The following HMCN1 variants were observed in gnomAD, a reference collection of about 807,000 sequenced individuals.
The protein encoded by HMCN1 is hemicentin 1, also known as hemicentin-1.
HMCN1 carries 321 observed loss-of-function variants against 625.9 expected under a neutral mutation model. That is an observed-to-expected ratio of 0.51 (90% CI 0.47 to 0.56). The LOEUF (loss-of-function observed/expected upper bound fraction) is 0.56, where lower values mean the gene tolerates loss of function less well. Ranked by LOEUF, HMCN1 falls within the 20% of genes least tolerant of loss-of-function variation. HMCN1 has a pLI of 0.00. For synonymous variants in HMCN1, 2,425 were observed against 2,417.6 expected (o/e 1.00, Z -0.09); for missense variants, 6,588 against 6,887.3 (o/e 0.96, Z 1.54).
Position 186,137,879 on chromosome 1 carries a change from A to G in HMCN1, c.13831A>G (p.Arg4611Gly). 2.5e-6 allele frequency: 4 copies of G among 1,614,150 alleles called. No individual in the cohort carries two copies. The highest frequency in any genetic ancestry group is 1.1e-5 in the South Asian group (1 of 91,090). ...TGGACGCGGCAACCAAACCAGGACC[A>G]GGACTTGCAATAATCCATCAGTTCA... Reference protein sequence around the residue: ...SCGRGNQTRTRTCNNPSVQHG... With the variant: ...SCGRGNQTRTGTCNNPSVQHG... Residue 4611 changes from arginine (R) to glycine (G), a missense_variant, in exon 89 of 107, where the codon AGG (arginine) becomes GGG (glycine). Physicochemically the swap from Arg to Gly is moderately radical, Grantham distance 125. This residue lies in a region of HMCN1 where 1,954 missense variants were observed against 2,013.1 expected (regional missense o/e 0.97). Coordinates refer to ENST00000271588, the MANE Select transcript of HMCN1 (RefSeq NM_031935.3).
intron 11 of HMCN1, among the ~76,000 whole-genome samples, chr1:185,942,549 A>C (rs947253014): frequency 1.3e-5 from 2 of 152,206 alleles, no homozygotes; most frequent in Non-Finnish European, 2.9e-5. Context: ...AAATTTTGGG[A>C]GTTCATATCA....
chr1:186,145,542 G>T lies in HMCN1; in HGVS notation c.14406G>T (p.Gln4802His). ...GGRACGGPDS[Q>H]IQRCNTDMCP... ...GAGCTTGTGGGGGACCAGACTCCCA[G>T]ATCCAGAGGTGCAACACTGACATGT... Residue 4802 changes from glutamine to histidine, a missense_variant, in exon 92 of 107, where the codon CAG becomes CAT. Transcript: ENST00000271588. The T allele has an allele frequency of 6.2e-7, 1 of 1,614,094 alleles. No homozygotes were observed.
chr1:185,774,052 T>C (rs1222146146), intron 1 of HMCN1, among the ~76,000 whole-genome samples: 1 of 152,218 alleles, frequency 6.6e-6, no homozygotes, highest in Non-Finnish European at 1.5e-5. Flanking sequence ...TGCTGTCTAC[T>C]GAAAAGTTGT....
intron 4 of HMCN1, among the ~76,000 whole-genome samples, chr1:185,883,107 G>C (rs1384541913): frequency 6.6e-6 from 1 of 152,014 alleles, no homozygotes; most frequent in Non-Finnish European, 1.5e-5. Context: ...AAGAATGAGT[G>C]AGTGAATACA....
Position 186,035,205 on chromosome 1 carries a change from T to G in HMCN1, c.5750-2729T>G, listed in dbSNP as rs147949420. On this transcript the variant is annotated intron_variant, in intron 36 of 106. Coordinates refer to ENST00000271588, the MANE Select transcript of HMCN1 (RefSeq NM_031935.3). ...GAATTCAGTGCAGAAAACAGAAACA[T>G]TCTAGGCATTTCAAACAGGTAGGGT... is the stretch of plus-strand genomic sequence containing the variant. Among the ~76,000 whole-genome samples, 667 of 152,208 alleles carry G rather than the reference T, an allele frequency of 4.4e-3. 3 individuals carry two copies. The highest frequency in any genetic ancestry group is 0.015 in the African/African-American group (633 of 41,556).
chr1:185,771,402 G>T (rs1293429080), intron 1 of HMCN1, among the ~76,000 whole-genome samples: 1 of 152,166 alleles, frequency 6.6e-6, no homozygotes, highest in Non-Finnish European at 1.5e-5. Context: ...GGAGGGATTT[G>T]GTTAGGCTCT....
intron 4 of HMCN1, among the ~76,000 whole-genome samples, chr1:185,869,073 CACTT>C (rs1663448396): frequency 6.6e-6 from 1 of 152,138 alleles, no homozygotes; most frequent in South Asian, 2.1e-4. Context: ...AAGGATGTTT[CACTT>C]ACTTTGGGCT....
chr1:185,851,808 C>A (rs376785089), intron 2 of HMCN1, among the ~76,000 whole-genome samples: 1 of 151,730 alleles, frequency 6.6e-6, no homozygotes, highest in Non-Finnish European at 1.5e-5. Flanking sequence ...AACACACACC[C>A]CCCCCAACAC....
chr1:185,863,976 T>C (rs1663024890), intron 2 of HMCN1, among the ~76,000 whole-genome samples: 1 of 151,870 alleles, frequency 6.6e-6, no homozygotes, highest in Admixed American at 6.6e-5. Context: ...CCCAGGTGAG[T>C]AGTTAGCCCT....
chr1:185,814,532 A>G (rs1659725326), intron 1 of HMCN1, among the ~76,000 whole-genome samples: 1 of 152,160 alleles, frequency 6.6e-6, no homozygotes, highest in Non-Finnish European at 1.5e-5. Flanking sequence ...CCTAGTCAGT[A>G]GAAAATAAAT....
At chr1:186,013,141 C>T (rs1330580531) in intron 30 of HMCN1, among the ~76,000 whole-genome samples, 1 of 152,012 alleles carries the variant, frequency 6.6e-6, no homozygotes, top group Non-Finnish European at 1.5e-5. Flanking sequence ...TTGGTTTTTG[C>T]TTTAACTCTT....
At position 186,016,250 on chromosome 1, in the gene HMCN1, A is replaced by G. The variant is rs371103575; in HGVS notation, c.5191+11A>G. ...AAGTTGATGTCTTGGGTAAATAAGG[A>G]TGCCACTGCCTGGGTTCTCAGATTC... is the stretch of plus-strand genomic sequence containing the variant. On this transcript the variant is annotated intron_variant, in intron 32 of 106. Transcript: ENST00000271588. The G allele has an allele frequency of 6.2e-7, 1 of 1,610,120 alleles. No individual in the cohort carries two copies. Among genetic ancestry groups the G allele is most frequent in the Admixed American group, 1.7e-5 (1 of 59,912 alleles).
At chr1:186,088,886 GT>G (rs1234705372) in intron 63 of HMCN1, 131 bp downstream of exon 63, 2 of 903,202 alleles carry the variant, frequency 2.2e-6, no homozygotes, top group Non-Finnish European at 3.4e-6. Flanking sequence ...ACTATCATCA[GT>G]TTTCTGTCTT....
rs142620217 is a variant in HMCN1, at chr1:186,150,051, G to A, written c.14609-1149G>A. Among the ~76,000 whole-genome samples the A allele has an allele frequency of 2.2e-3, 340 of 152,202 alleles. 2 individuals are homozygous for A. The highest frequency in any genetic ancestry group is 5.6e-3 in the East Asian group (29 of 5,170). On this transcript the variant is annotated intron_variant, in intron 93 of 106. Coordinates refer to ENST00000271588, the MANE Select transcript of HMCN1 (RefSeq NM_031935.3). Reference sequence around the variant, plus strand: ...CAAGAATTACCAAAATGTGACACAGGAACACAAAGTGAGCAAAGGCTGTTG... The same window carrying A: ...CAAGAATTACCAAAATGTGACACAGAAACACAAAGTGAGCAAAGGCTGTTG...
chr1:185,931,718 A>T (rs1304441645), intron 10 of HMCN1, among the ~76,000 whole-genome samples: 2 of 152,194 alleles, frequency 1.3e-5, no homozygotes, highest in African/African-American at 4.8e-5. Flanking sequence ...GAATTGAGCC[A>T]GGAGAGCTGG....
In HMCN1 at chr1:185,865,830, A is replaced by G. The variant is rs1228645438; in HGVS notation, c.588A>G (p.Gln196=). 1 of 1,613,520 alleles carries G rather than the reference A, an allele frequency of 6.2e-7. No individual in the cohort carries two copies. Among genetic ancestry groups the G allele is most frequent in the Non-Finnish European group, 8.5e-7 (1 of 1,179,826 alleles). The change falls in exon 4 of 107, where the codon CAA becomes CAG. Residue 196 remains glutamine (Q), a synonymous_variant. Transcript: ENST00000271588. ...AAATTGCCTCTACAAGTTCTGGTCA[A>G]GTGTTCCATCTGGACAAAAAACAAG... is the stretch of plus-strand genomic sequence containing the variant. ...YEEIASTSSG[Q]VFHLDKKQVN...
chr1:186,104,798 C>G (rs1359547761), intron 69 of HMCN1, among the ~76,000 whole-genome samples: 1 of 152,114 alleles, frequency 6.6e-6, no homozygotes, highest in African/African-American at 2.4e-5. Context: ...CCCCTTTTTT[C>G]TCTCCATTTC....
chr1:186,039,409 T>TGC (rs1027537150), intron 38 of HMCN1, among the ~76,000 whole-genome samples: 2 of 150,936 alleles, frequency 1.3e-5, no homozygotes, highest in African/African-American at 4.9e-5. Context: ...TGTGTTCATG[T>TGC]GCACACACAC....
intron 15 of HMCN1, among the ~76,000 whole-genome samples, chr1:185,971,588 T>C (rs1200402541): frequency 6.6e-6 from 1 of 152,246 alleles, no homozygotes; most frequent in Non-Finnish European, 1.5e-5. Context: ...GACTGTTTTT[T>C]TTAAAGCAAA....
Sources: allele counts gnomAD v4.1 joint callset (sites outside exome capture counted in the v4.1 genomes callset), GRCh38; gene constraint gnomAD v4.1.1; regional missense constraint gnomAD v4.1.1; transcripts MANE v1.5; gene names NCBI Gene and HGNC (gene_info 2026-07-23, HGNC 2026-07-21).